TTC17: variants seen among roughly 807,000 people sequenced by gnomAD.
TTC17 encodes the protein tetratricopeptide repeat domain 17.
Under a neutral mutation model 143.8 loss-of-function variants are expected in TTC17, and 58 were observed. The ratio of observed to expected loss-of-function variants is 0.40; its 90% CI spans 0.33 to 0.50. The LOEUF is 0.50. TTC17 is among the 20% of genes least tolerant of loss of function. TTC17 has a pLI of 0.49. For missense variants in TTC17, 1,273 were observed against 1,392.5 expected (o/e 0.91, Z 1.37); for synonymous variants, 501 against 497.8 (o/e 1.01, Z -0.09).
chr11:43,493,952 A>C lies in TTC17; in HGVS notation c.*48A>C. 1.3e-6 allele frequency: 2 copies of C among 1,517,100 alleles called. No homozygotes were observed. The highest frequency in any genetic ancestry group is 1.8e-6 in the Non-Finnish European group (2 of 1,132,874). The allele number at this position is 1,517,100 out of a possible 1,614,324, so 94.0% of individuals were successfully genotyped here. ...CTCTTTACTCATGCTCTAAAAAAAA[A>C]GAATAAGAAAAGAAACCAATCATTG... On this transcript the variant is annotated 3_prime_UTR_variant, in exon 24 of 24. Coordinates refer to ENST00000039989, the MANE Select transcript of TTC17 (RefSeq NM_018259.6).
In TTC17 at chr11:43,370,549, G is replaced by GA. The variant is rs56245298; in HGVS notation, c.160-8671dup. Reference sequence around the variant, plus strand: ...TATTTGTCATTACAGTTTGTTTAAGGAAAAAAAAAAAAAGATAAAACATGT... The same window carrying GA: ...TATTTGTCATTACAGTTTGTTTAAGGAAAAAAAAAAAAAAGATAAAACATGT... On this transcript the variant is annotated intron_variant, in intron 1 of 23. Coordinates refer to ENST00000039989, the MANE Select transcript of TTC17 (RefSeq NM_018259.6). 4.7e-3 allele frequency among the ~76,000 whole-genome samples: 622 copies of GA among 133,278 alleles called. 6 individuals carry two copies. The highest frequency in any genetic ancestry group is 0.014 in the African/African-American group (509 of 36,302). The allele number at this position is 133,278 out of a possible 152,430, so 87.4% of individuals were successfully genotyped here.
chr11:43,392,043 A>G (rs1240656031), intron 5 of TTC17, 91 bp downstream of exon 5: 1 of 1,442,430 alleles, frequency 6.9e-7, no homozygotes, highest in African/African-American at 1.5e-5. Context: ...ATACCTGACT[A>G]ATTTGTTTTT....
At chr11:43,453,096 G>A (rs768007753) in intron 21 of TTC17, among the ~76,000 whole-genome samples, 7 of 152,150 alleles carry the variant, frequency 4.6e-5, no homozygotes, top group Non-Finnish European at 7.4e-5. Flanking sequence ...CAGAACTGAC[G>A]ACAAAATTGG....
chr11:43,439,761 G>A (rs1436214194), intron 16 of TTC17, among the ~76,000 whole-genome samples: 3 of 152,034 alleles, frequency 2.0e-5, no homozygotes, highest in Admixed American at 6.6e-5. Context: ...GTGAGCCACC[G>A]CACCCAGCCC....
At chr11:43,489,123 G>A (rs1288373903) in intron 21 of TTC17, among the ~76,000 whole-genome samples, 3 of 152,322 alleles carry the variant, frequency 2.0e-5, no homozygotes, top group African/African-American at 7.2e-5. Context: ...TCCAAAGACA[G>A]ACTTCAAACT....
chr11:43,442,378 C>T (rs555740261), intron 16 of TTC17, among the ~76,000 whole-genome samples: 2 of 152,154 alleles, frequency 1.3e-5, no homozygotes, highest in Non-Finnish European at 2.9e-5. Context: ...CAACCCAGAG[C>T]TCTCAGGTTT....
chr11:43,422,174 G>C (rs1276021683), intron 16 of TTC17, among the ~76,000 whole-genome samples: 3 of 152,160 alleles, frequency 2.0e-5, no homozygotes, highest in Non-Finnish European at 4.4e-5. Context: ...AAAGGGATAT[G>C]GGAAATGAAA....
At chr11:43,366,497 C>T (rs1050967248) in intron 1 of TTC17, among the ~76,000 whole-genome samples, 9 of 136,546 alleles carry the variant, frequency 6.6e-5, no homozygotes, top group Non-Finnish European at 1.2e-4. Context: ...CAGAGTGAGA[C>T]TCTGCCTCAA....
At chr11:43,490,382 A>G in intron 22 of TTC17, 24 bp downstream of exon 22, 2 of 1,586,374 alleles carry the variant, frequency 1.3e-6, no homozygotes, top group South Asian at 1.1e-5. Flanking sequence ...AGAAGGTGGG[A>G]ACTTCTGCCC....
intron 21 of TTC17, among the ~76,000 whole-genome samples, chr11:43,477,128 A>G (rs1948199465): frequency 6.6e-6 from 1 of 152,202 alleles, no homozygotes; most frequent in Non-Finnish European, 1.5e-5. Flanking sequence ...AAAACATAAC[A>G]AGAGTCACCT....
chr11:43,455,096 T>TAATTA (rs1947738059), intron 21 of TTC17, among the ~76,000 whole-genome samples: 1 of 151,236 alleles, frequency 6.6e-6, no homozygotes, highest in African/African-American at 2.4e-5. Flanking sequence ...ATAATAATAA[T>TAATTA]AATAATAACT....
At chr11:43,444,356 C>T (rs760112411) in intron 18 of TTC17, 147 bp downstream of exon 18, 9 of 689,054 alleles carry the variant, frequency 1.3e-5, no homozygotes, top group Non-Finnish European at 1.9e-5. Flanking sequence ...TCTTCTGTAT[C>T]AATGAAAAAA....
chr11:43,443,388 C>T lies in TTC17; in HGVS notation c.2315C>T (p.Ser772Leu). The T allele has an allele frequency of 6.2e-7, 1 of 1,614,030 alleles. No homozygotes were observed. The highest frequency in any genetic ancestry group is 1.1e-5 in the South Asian group (1 of 91,074). ...GAGAATTCAGATGAAACCAAAATGT[C>T]AGAAGAAATACTGGCTTTGGTGGAT... ...EMENSDETKM[S>L]EEILALVDEF... Residue 772 changes from serine to leucine, a missense_variant, in exon 17 of 24, where the codon TCA (serine) becomes TTA (leucine). Physicochemically the swap from Ser to Leu is moderately radical, Grantham distance 145. Transcript: ENST00000039989.
chr11:43,368,861 ACTTT>A (rs1856453113), intron 1 of TTC17, among the ~76,000 whole-genome samples: 1 of 152,074 alleles, frequency 6.6e-6, no homozygotes, highest in Non-Finnish European at 1.5e-5. Flanking sequence ...CTCAGACACC[ACTTT>A]CTTTCTTGTG....
At chr11:43,424,321 T>C (rs1946974663) in intron 16 of TTC17, among the ~76,000 whole-genome samples, 1 of 150,722 alleles carries the variant, frequency 6.6e-6, no homozygotes, top group South Asian at 2.1e-4. Flanking sequence ...CTCAAACTCC[T>C]GACCTCAGGT....
intron 16 of TTC17, among the ~76,000 whole-genome samples, chr11:43,430,704 T>TACACACAC (rs1218079268): frequency 2.0e-5 from 1 of 50,338 alleles, no homozygotes; most frequent in African/African-American, 7.1e-5. Context: ...ATCCCCTACA[T>TACACACAC]ACACGCACAC....
chr11:43,398,265 T>C lies in TTC17; in HGVS notation c.1058+152T>C, dbSNP rs1590355096. On this transcript the variant is annotated intron_variant, in intron 8 of 23. Coordinates refer to ENST00000039989, the MANE Select transcript of TTC17 (RefSeq NM_018259.6). ...CCTATCCTTTTTCTGTAAGTCCTGG[T>C]GGTTTAGCACAATTCAGTGGTTGTG... 6.2e-6 allele frequency: 6 copies of C among 966,782 alleles called. No individual in the cohort carries two copies. The East Asian group carries it at 1.6e-4, about 26-fold the overall frequency. The allele number at this position is 966,782 out of a possible 1,614,324, so 59.9% of individuals were successfully genotyped here. A position where few individuals can be genotyped will look rare whatever the true frequency, so the allele number is the denominator to read the frequency against.
chr11:43,473,029 A>G (rs1948119983), intron 21 of TTC17, among the ~76,000 whole-genome samples: 1 of 151,608 alleles, frequency 6.6e-6, no homozygotes, highest in African/African-American at 2.4e-5. Context: ...ACAAAAATTA[A>G]CCATGTGCGG....
intron 16 of TTC17, among the ~76,000 whole-genome samples, chr11:43,432,785 T>C (rs1346083230): frequency 1.5e-5 from 2 of 129,304 alleles, no homozygotes; most frequent in Non-Finnish European, 3.8e-5. Context: ...CAAAGGCAAC[T>C]TTTTTTAGTT....
Sources: gnomAD v4.1 joint callset for allele counts (sites outside exome capture counted in the v4.1 genomes callset) on GRCh38, gnomAD v4.1.1 for gene constraint, MANE v1.5 for transcripts, NCBI Gene and HGNC (gene_info 2026-07-23, HGNC 2026-07-21) for gene names.